Variants in KCTD2 observed in about 807,000 individuals in gnomAD.
The protein encoded by KCTD2 is BTB/POZ domain-containing protein KCTD2.
In KCTD2, 18 loss-of-function variants were observed where a neutral mutation model predicts 27.9. That is an observed-to-expected ratio of 0.64 (90% CI 0.45 to 0.96). The LOEUF (loss-of-function observed/expected upper bound fraction) is 0.96, where lower values mean the gene tolerates loss of function less well. KCTD2 is among the 40% of genes least tolerant of loss of function. The probability of loss-of-function intolerance (pLI) is 0.00; values close to 1 mark genes in which losing one functional copy is unlikely to be tolerated. For synonymous variants in KCTD2, 175 were observed against 148.4 expected, an observed-to-expected ratio of 1.18 and a Z score of -1.30; for missense variants, 280 against 348.0, an observed-to-expected ratio of 0.80 and a Z score of 1.56.
chr17:75,047,733 G>T (rs909296578), intron 1 of KCTD2, 144 bp downstream of exon 1: 3 of 742,224 alleles, frequency 4.0e-6, no homozygotes, highest in Non-Finnish European at 4.2e-6. Flanking sequence ...CACACTACTC[G>T]CAGGGGCCTC....
At chr17:75,058,374 C>T (rs1238679478) in intron 3 of KCTD2, among the ~76,000 whole-genome samples, 1 of 151,292 alleles carries the variant, frequency 6.6e-6, no homozygotes, top group African/African-American at 2.4e-5. Context: ...CGTAGTGGCA[C>T]ATGCCTGTAA....
chr17:75,033,825 A>G (rs1043419175), intron 1 of KCTD2, among the ~76,000 whole-genome samples: 1 of 152,178 alleles, frequency 6.6e-6, no homozygotes, highest in Non-Finnish European at 1.5e-5. Flanking sequence ...CACTCCATGG[A>G]TCGCGCCTCT....
intron 2 of KCTD2, among the ~76,000 whole-genome samples, chr17:75,052,325 G>C (rs1212981552): frequency 6.6e-6 from 1 of 152,246 alleles, no homozygotes; most frequent in Non-Finnish European, 1.5e-5. Flanking sequence ...TGTGGCTCAT[G>C]CCTGTAATCC....
At chr17:75,040,374 G>A (rs371474881) in intron 3 of KCTD2, 2 of 591,646 alleles carry the variant, frequency 3.4e-6, no homozygotes, top group Non-Finnish European at 6.0e-6. Context: ...GGAGCTCAAG[G>A]GTCTTCTCAG....
chr17:75,034,554 G>T (rs73367023), intron 2 of KCTD2, among the ~76,000 whole-genome samples: 5,723 of 152,248 alleles, frequency 0.038, 174 homozygotes, highest in Middle Eastern at 0.16. Context: ...CAACCATAGT[G>T]CCCAAACACG....
intron 3 of KCTD2, among the ~76,000 whole-genome samples, chr17:75,054,851 G>C (rs1427365245): frequency 6.6e-6 from 1 of 151,162 alleles, no homozygotes; most frequent in South Asian, 2.1e-4. Flanking sequence ...CAGGAAAATA[G>C]ACCCTCTCTT....
At chr17:75,050,848 G>C (rs554499405) in intron 2 of KCTD2, among the ~76,000 whole-genome samples, 14 of 151,606 alleles carry the variant, frequency 9.2e-5, no homozygotes, top group Admixed American at 2.0e-4. Context: ...AGATCTTTTT[G>C]TTGTTTTTTT....
intron 3 of KCTD2, chr17:75,040,567 C>T (rs1051117526): frequency 9.4e-6 from 2 of 211,894 alleles, no homozygotes; most frequent in South Asian, 1.4e-4. Context: ...AGGAGCACTG[C>T]GTAATGAATG....
intron 3 of KCTD2, chr17:75,038,903 A>G: frequency 6.2e-7 from 1 of 1,600,828 alleles, no homozygotes; most frequent in Non-Finnish European, 8.5e-7. Flanking sequence ...GTGTAATACA[A>G]GGGCCAGAGC....
At chr17:75,043,280 A>G (rs901425677), upstream of KCTD2, among the ~76,000 whole-genome samples, 6 of 152,100 alleles carry the variant, frequency 3.9e-5, no homozygotes, top group African/African-American at 1.4e-4. Flanking sequence ...TGTGGCATAC[A>G]AATACATTCT....
upstream of KCTD2, chr17:75,042,452 C>T: frequency 3.2e-6 from 5 of 1,564,900 alleles, no homozygotes; most frequent in Non-Finnish European, 3.5e-6. Flanking sequence ...ATCAAGAATT[C>T]ATATGTAATT....
Position 75,063,976 on chromosome 17 carries a change from T to TAA in KCTD2, c.*930_*931insAA, listed in dbSNP as rs1249387324. On this transcript the variant is annotated 3_prime_UTR_variant, in exon 6 of 6. Coordinates refer to ENST00000322444, the MANE Select transcript of KCTD2 (RefSeq NM_015353.3). ...TTTCTTTGAAAGTTGCCAAATGTGT[T>TAA]ATGTTGTGTCTCAGAGAGAGTTATT... is the stretch of plus-strand genomic sequence containing the variant. 2.0e-5 allele frequency: 3 copies of TAA among 152,714 alleles called. No individual in the cohort carries two copies. Among genetic ancestry groups the TAA allele is most frequent in the African/African-American group, 7.2e-5 (3 of 41,468 alleles). The allele number at this position is 152,714 out of a possible 1,614,324, so 9.5% of individuals were successfully genotyped here.
At position 75,047,270 on chromosome 17, in the gene KCTD2, A is replaced by G. The variant is rs1024620006; in HGVS notation, c.20A>G (p.Asp7Gly). 1.1e-6 allele frequency: 1 copy of G among 883,930 alleles called. No homozygotes were observed. The highest frequency in any genetic ancestry group is 1.4e-6 in the Non-Finnish European group (1 of 733,046). 54.8% of individuals were successfully genotyped at this position (883,930 alleles called of 1,614,324 possible). Residue 7 changes from aspartate to glycine, a missense_variant, in exon 1 of 6, where the codon GAC (aspartate) becomes GGC (glycine). Asp to Gly is a moderately conservative substitution (Grantham distance 94, BLOSUM62 -1). Coordinates refer to ENST00000322444, the MANE Select transcript of KCTD2 (RefSeq NM_015353.3). ...TCCAAGATGGCGGAACTGCAGCTGG[A>G]CCCGGCGATGGCGGGGCTGGGAGGG... Reference protein sequence around the residue: MAELQLDPAMAGLGGGG... With the variant: MAELQLGPAMAGLGGGG...
intron 4 of KCTD2, 86 bp downstream of exon 4, chr17:75,059,691 T>C: frequency 3.9e-6 from 4 of 1,031,006 alleles, no homozygotes; most frequent in Non-Finnish European, 5.9e-6. Flanking sequence ...GGCCAATTAA[T>C]AACCACGGGA....
chr17:75,053,303 C>G (rs1364222847), intron 3 of KCTD2, among the ~76,000 whole-genome samples, 198 bp downstream of exon 3: 1 of 152,108 alleles, frequency 6.6e-6, no homozygotes, highest in Non-Finnish European at 1.5e-5. Flanking sequence ...GGCCTATGTC[C>G]CAATAGAATG....
In KCTD2 at chr17:75,062,699, A is replaced by AACACACACACACACACACACACAC. The variant is rs10533801; in HGVS notation, c.763-297_763-274dup. ...TCCACTGTGCACCCCCCTCACCCCCAACACACACACACACACACACACACA... is the reference window on the plus strand; with the variant it reads ...TCCACTGTGCACCCCCCTCACCCCCAACACACACACACACACACACACACACACACACACACACACACACACACA... On this transcript the variant is annotated intron_variant, in intron 5 of 5. Transcript: ENST00000322444. Among the ~76,000 whole-genome samples the AACACACACACACACACACACACAC allele has an allele frequency of 4.5e-3, 522 of 116,044 alleles. 24 individuals carry two copies. The highest frequency in any genetic ancestry group is 9.0e-3 in the South Asian group (25 of 2,774). 76.1% of individuals were successfully genotyped at this position (116,044 alleles called of 152,430 possible).
intron 2 of KCTD2, chr17:75,035,138 G>A (rs913754444): frequency 3.9e-5 from 6 of 152,100 alleles, no homozygotes; most frequent in African/African-American, 1.2e-4. Flanking sequence ...TGGATAAGGC[G>A]TCTGACTTCG....
At chr17:75,039,166 G>A (rs970754606) in intron 3 of KCTD2, 1 of 1,612,824 alleles carries the variant, frequency 6.2e-7, no homozygotes, top group East Asian at 2.2e-5. Flanking sequence ...GGTCATGAAA[G>A]AGAGAACCCA....
At chr17:75,060,764 C>T (rs1275120844) in intron 4 of KCTD2, 1 of 625,110 alleles carries the variant, frequency 1.6e-6, no homozygotes, top group South Asian at 2.1e-5. Flanking sequence ...CGGATTATGC[C>T]TACTTATGTG....
Sources: allele counts gnomAD v4.1 joint callset (sites outside exome capture counted in the v4.1 genomes callset), GRCh38; gene constraint gnomAD v4.1.1; transcripts MANE v1.5; gene names NCBI Gene and HGNC (gene_info 2026-07-23, HGNC 2026-07-21).